NTM: variants seen among roughly 807,000 people sequenced by gnomAD.
The protein encoded by NTM is IgLON family member 2.
In NTM, 13 loss-of-function variants were observed where a neutral mutation model predicts 42.1. The ratio of observed to expected loss-of-function variants is 0.31; its 90% CI spans 0.20 to 0.49. The LOEUF is 0.49. Among genes scored for constraint, NTM ranks in the 20% least tolerant of loss-of-function variants. The pLI, the probability that NTM is intolerant of heterozygous loss-of-function variation, is 0.99. For synonymous variants in NTM, 187 were observed against 179.2 expected (o/e 1.04, Z -0.35); for missense variants, 373 against 452.8 (o/e 0.82, Z 1.60).
intron 2 of NTM, among the ~76,000 whole-genome samples, chr11:131,993,644 G>A (rs2067421604): frequency 6.6e-6 from 1 of 152,124 alleles, no homozygotes; most frequent in Admixed American, 6.5e-5. Flanking sequence ...AAGAAAATAA[G>A]TCTATGAATT....
At chr11:131,837,497 T>A (rs1817420681) in intron 1 of NTM, among the ~76,000 whole-genome samples, 1 of 152,144 alleles carries the variant, frequency 6.6e-6, no homozygotes, top group Non-Finnish European at 1.5e-5. Context: ...GAGAGTCACA[T>A]CTAATTGGGT....
chr11:131,617,194 C>A (rs946225619), intron 1 of NTM, among the ~76,000 whole-genome samples: 26 of 151,844 alleles, frequency 1.7e-4, no homozygotes, highest in Non-Finnish European at 3.1e-4. Flanking sequence ...TAACTGAGGC[C>A]GCTTGGGAAT....
At chr11:132,215,373 T>G (rs1032358340) in intron 4 of NTM, among the ~76,000 whole-genome samples, 1 of 151,894 alleles carries the variant, frequency 6.6e-6, no homozygotes, top group Non-Finnish European at 1.5e-5. Flanking sequence ...CTTGTTTCCT[T>G]CATTATCACT....
At chr11:131,471,145 A>G (rs1952400443) in intron 1 of NTM, among the ~76,000 whole-genome samples, 1 of 152,216 alleles carries the variant, frequency 6.6e-6, no homozygotes, top group East Asian at 1.9e-4. Flanking sequence ...GAGTATTGTC[A>G]GCTCTTACTA....
chr11:132,304,313 T>C (rs1338092275), intron 4 of NTM, among the ~76,000 whole-genome samples: 1 of 151,932 alleles, frequency 6.6e-6, no homozygotes, highest in Non-Finnish European at 1.5e-5. Context: ...CTGTTGACCG[T>C]GAAGTTTCTT....
Position 131,560,294 on chromosome 11 carries a change from T to G in NTM, c.82+189406T>G, listed in dbSNP as rs148135063. On this transcript the variant is annotated intron_variant, in intron 1 of 8. Coordinates refer to ENST00000683400, the MANE Select transcript of NTM (RefSeq NM_001352005.2). ...GATCCCGTTCTTCCTCACTTTGAGA[T>G]TGCAGAGATAGCTACCTGAACGCAG... Among the ~76,000 whole-genome samples the G allele has an allele frequency of 6.4e-3, 977 of 152,302 alleles. 21 individuals carry two copies. Among genetic ancestry groups the G allele is most frequent in the African/African-American group, 0.022 (927 of 41,556 alleles).
intron 1 of NTM, among the ~76,000 whole-genome samples, chr11:131,876,586 A>T (rs936847008): frequency 5.9e-5 from 9 of 152,256 alleles, no homozygotes; most frequent in African/African-American, 2.2e-4. Flanking sequence ...AAGCAGGTCA[A>T]ATTCTGCCAT....
At chr11:132,114,294 A>T (rs1308978862) in intron 2 of NTM, among the ~76,000 whole-genome samples, 1 of 152,168 alleles carries the variant, frequency 6.6e-6, no homozygotes, top group African/African-American at 2.4e-5. Context: ...AGTACTTCGA[A>T]CACTTTTCTG....
At chr11:132,289,609 C>T (rs1162186305) in intron 4 of NTM, among the ~76,000 whole-genome samples, 1 of 152,176 alleles carries the variant, frequency 6.6e-6, no homozygotes, top group South Asian at 2.1e-4. Context: ...GTGACTGAGT[C>T]CAACTCCAGG....
chr11:132,003,293 T>C lies in NTM; in HGVS notation c.167+91645T>C, dbSNP rs1216130134. On this transcript the variant is annotated intron_variant, in intron 2 of 8. Coordinates refer to ENST00000683400, the MANE Select transcript of NTM (RefSeq NM_001352005.2). This position sits in a 1 kb window ranked among gnomAD's most constrained non-coding sequence, Gnocchi z 6.0. The stretch of plus-strand genomic sequence containing the variant: ...TTGACAGGTTATTTGTTGCCCAGGT[T>C]GGAGTGCAGTGACGCAATCACAGCT... Among the ~76,000 whole-genome samples the C allele has an allele frequency of 6.6e-6, 1 of 151,898 alleles. No individual in the cohort carries two copies. Among genetic ancestry groups the C allele is most frequent in the African/African-American group, 2.4e-5 (1 of 41,312 alleles).
chr11:131,418,318 G>C (rs575657910), intron 1 of NTM, among the ~76,000 whole-genome samples: 1 of 152,216 alleles, frequency 6.6e-6, no homozygotes, highest in Non-Finnish European at 1.5e-5. Flanking sequence ...GCAGCGTTTT[G>C]CATGGGCTTC....
chr11:132,300,173 G>T (rs2094791635), intron 4 of NTM, among the ~76,000 whole-genome samples: 1 of 152,092 alleles, frequency 6.6e-6, no homozygotes, highest in Non-Finnish European at 1.5e-5. Flanking sequence ...CAAAGCAGAG[G>T]TCTGATTATT....
intron 1 of NTM, among the ~76,000 whole-genome samples, chr11:131,390,516 A>G (rs373939457): frequency 6.6e-6 from 1 of 152,176 alleles, no homozygotes; most frequent in Admixed American, 6.5e-5. Flanking sequence ...CAGTGATGTA[A>G]AATTTGGGAG....
intron 1 of NTM, among the ~76,000 whole-genome samples, chr11:131,483,479 C>T (rs552543626): frequency 2.6e-5 from 4 of 152,210 alleles, no homozygotes; most frequent in East Asian, 1.9e-4. Flanking sequence ...CAGCTCCACT[C>T]GGAGTAGGAG....
chr11:132,034,935 T>A (rs971235106), intron 2 of NTM, among the ~76,000 whole-genome samples: 1 of 152,226 alleles, frequency 6.6e-6, no homozygotes, highest in Admixed American at 6.5e-5. Flanking sequence ...AGAGGGATAG[T>A]GCCAATAGGA....
At position 131,660,970 on chromosome 11, in the gene NTM, G is replaced by A. The variant is rs1163388362; in HGVS notation, c.83-250594G>A. The A allele has an allele frequency of 3.8e-6, 5 of 1,304,328 alleles. No individual in the cohort carries two copies. The South Asian group carries it at 6.2e-5, about 16-fold the overall frequency. 80.8% of individuals were successfully genotyped at this position (1,304,328 alleles called of 1,614,324 possible). ...TCTGCTCATCCCCAAGGCAAAGTTG[G>A]ATGTTTTTAAAGTGGAAAAAAAAAT... is the stretch of plus-strand genomic sequence containing the variant. On this transcript the variant is annotated intron_variant, in intron 1 of 8. Coordinates refer to ENST00000683400, the MANE Select transcript of NTM (RefSeq NM_001352005.2).
At chr11:131,557,636 G>A (rs1179942628) in intron 1 of NTM, among the ~76,000 whole-genome samples, 2 of 152,162 alleles carry the variant, frequency 1.3e-5, no homozygotes, top group South Asian at 2.1e-4. Flanking sequence ...GTGATGTGCC[G>A]CACAGGGATG....
intron 2 of NTM, among the ~76,000 whole-genome samples, chr11:132,108,476 A>T (rs1385989907): frequency 6.6e-6 from 1 of 152,152 alleles, no homozygotes; most frequent in Non-Finnish European, 1.5e-5. Context: ...AGTGGGAGCT[A>T]AACTCTGAGG....
intron 2 of NTM, among the ~76,000 whole-genome samples, chr11:132,072,377 T>G (rs1279393158): frequency 6.6e-6 from 1 of 152,168 alleles, no homozygotes; most frequent in African/African-American, 2.4e-5. Flanking sequence ...AAATGTGTAA[T>G]TAGGAGTCTC....
Sources: gnomAD v4.1 joint callset for allele counts (sites outside exome capture counted in the v4.1 genomes callset) on GRCh38, gnomAD v4.1.1 for gene constraint, Gnocchi (gnomAD v3.1) non-coding constraint, MANE v1.5 for transcripts, NCBI Gene and HGNC (gene_info 2026-07-23, HGNC 2026-07-21) for gene names.